The following FHIP1A variants were observed in gnomAD, a reference collection of about 807,000 sequenced individuals.
The protein encoded by FHIP1A is FHF complex subunit HOOK-interacting protein 1A.
Under a neutral mutation model 88.6 loss-of-function variants are expected in FHIP1A, and 61 were observed. That is an observed-to-expected ratio of 0.69 (90% CI 0.56 to 0.85). The LOEUF (loss-of-function observed/expected upper bound fraction) is 0.85, where lower values mean the gene tolerates loss of function less well. FHIP1A is among the 40% of genes least tolerant of loss of function. The pLI, the probability that FHIP1A is intolerant of heterozygous loss-of-function variation, is 0.00. For missense variants in FHIP1A, 1,154 were observed against 1,273.5 expected, an observed-to-expected ratio of 0.91 and a Z score of 1.43; for synonymous variants, 478 against 496.0, an observed-to-expected ratio of 0.96 and a Z score of 0.48.
At chr4:151,637,648 G>A (rs1367847434) in intron 8 of FHIP1A, among the ~76,000 whole-genome samples, 1 of 152,184 alleles carries the variant, frequency 6.6e-6, no homozygotes, top group Admixed American at 6.5e-5. Context: ...GGTTTCTTAA[G>A]GGAGGCGATG....
chr4:151,513,811 G>C (rs994580673), intron 3 of FHIP1A, among the ~76,000 whole-genome samples: 8 of 150,590 alleles, frequency 5.3e-5, no homozygotes, highest in African/African-American at 1.7e-4. Context: ...AGCAAGTCCT[G>C]AGTGACCTAC....
At chr4:151,416,698 A>G (rs966314852) in intron 1 of FHIP1A, among the ~76,000 whole-genome samples, 4 of 152,232 alleles carry the variant, frequency 2.6e-5, no homozygotes, top group Non-Finnish European at 4.4e-5. Flanking sequence ...TTAATAAAAT[A>G]AGAATTTCTT....
Position 151,482,602 on chromosome 4 carries a change from T to C in FHIP1A, c.-169T>C, listed in dbSNP as rs1381546917. The C allele has an allele frequency of 6.6e-6, 1 of 152,122 alleles. No individual in the cohort carries two copies. The allele number at this position is 152,122 out of a possible 1,614,324, so 9.4% of individuals were successfully genotyped here. The stretch of plus-strand genomic sequence containing the variant: ...CTTTCCGCTCCTCTGAAGAGTGAAG[T>C]GAGCAAATACAACCCAGCAGTAGGT... On this transcript the variant is annotated 5_prime_UTR_variant, in exon 3 of 14. Coordinates refer to ENST00000435205, the MANE Select transcript of FHIP1A (RefSeq NM_001109977.3).
intron 3 of FHIP1A, among the ~76,000 whole-genome samples, chr4:151,486,595 G>T (rs964528001): frequency 2.6e-5 from 4 of 152,016 alleles, no homozygotes; most frequent in Non-Finnish European, 1.5e-5. Flanking sequence ...GAAAACTTGG[G>T]GCCAGAAATT....
chr4:151,567,040 T>C (rs777523294), intron 4 of FHIP1A, among the ~76,000 whole-genome samples: 22 of 152,206 alleles, frequency 1.4e-4, no homozygotes, highest in Non-Finnish European at 2.6e-4. Flanking sequence ...TATACCTGAA[T>C]ATATGTCTTC....
At chr4:151,418,403 T>TG (rs1732979868) in intron 1 of FHIP1A, among the ~76,000 whole-genome samples, 1 of 152,192 alleles carries the variant, frequency 6.6e-6, no homozygotes. Flanking sequence ...ACCCTGGAGT[T>TG]GCTATAGATA....
intron 2 of FHIP1A, among the ~76,000 whole-genome samples, chr4:151,474,169 G>A (rs568009726): frequency 6.6e-6 from 1 of 152,322 alleles, no homozygotes; most frequent in African/African-American, 2.4e-5. Flanking sequence ...CTTTCCTCAA[G>A]TGTGTACTGG....
intron 11 of FHIP1A, among the ~76,000 whole-genome samples, chr4:151,653,007 G>T (rs190063792): frequency 2.0e-5 from 3 of 152,112 alleles, no homozygotes. Context: ...GCACTGGAGT[G>T]GGGAGAGGTT....
chr4:151,657,518 G>A (rs1195857518), intron 13 of FHIP1A, among the ~76,000 whole-genome samples: 5 of 152,136 alleles, frequency 3.3e-5, no homozygotes, highest in Non-Finnish European at 7.4e-5. Context: ...TAGTAGGAGC[G>A]CTGAGGATGG....
chr4:151,516,453 G>C (rs1293877809), intron 3 of FHIP1A, among the ~76,000 whole-genome samples: 1 of 152,028 alleles, frequency 6.6e-6, no homozygotes, highest in Non-Finnish European at 1.5e-5. Context: ...TGACAAATGG[G>C]ATCTAATTAA....
chr4:151,604,192 C>T (rs531794047), intron 7 of FHIP1A, among the ~76,000 whole-genome samples: 87 of 151,996 alleles, frequency 5.7e-4, no homozygotes, highest in Non-Finnish European at 5.6e-4. Context: ...CCACAGCCTC[C>T]TGCAGCTGTC....
intron 3 of FHIP1A, among the ~76,000 whole-genome samples, chr4:151,536,302 T>G (rs1391864068): frequency 1.3e-5 from 2 of 152,242 alleles, no homozygotes; most frequent in Non-Finnish European, 2.9e-5. Flanking sequence ...GTTTTACTTG[T>G]GCTCTTTGTG....
In FHIP1A at chr4:151,433,297, A is replaced by T. The variant is rs182220033; in HGVS notation, c.-355-21404A>T. On this transcript the variant is annotated intron_variant, in intron 1 of 13. Coordinates refer to ENST00000435205, the MANE Select transcript of FHIP1A (RefSeq NM_001109977.3). ...GTAGGTAATGGCGTTCTGATCTAGGATGGTGACCCTGGGGCTAGAGAAAAT... is the reference window on the plus strand; with the variant it reads ...GTAGGTAATGGCGTTCTGATCTAGGTTGGTGACCCTGGGGCTAGAGAAAAT... 4.0e-5 allele frequency among the ~76,000 whole-genome samples: 6 copies of T among 151,596 alleles called. No individual in the cohort carries two copies. In the South Asian group the frequency reaches 6.3e-4, roughly 16 times the overall value.
At chr4:151,562,951 G>T (rs1733232439) in intron 3 of FHIP1A, among the ~76,000 whole-genome samples, 1 of 152,044 alleles carries the variant, frequency 6.6e-6, no homozygotes, top group South Asian at 2.1e-4. Flanking sequence ...TTATAATTCT[G>T]TAAGGTGGAA....
chr4:151,462,074 A>ACC (rs935483990), intron 2 of FHIP1A, among the ~76,000 whole-genome samples: 1 of 151,912 alleles, frequency 6.6e-6, no homozygotes, highest in African/African-American at 2.4e-5. Context: ...AGTTGGTAGG[A>ACC]CCCCTTGAGC....
At chr4:151,466,318 G>T (rs993210686) in intron 2 of FHIP1A, among the ~76,000 whole-genome samples, 1 of 151,978 alleles carries the variant, frequency 6.6e-6, no homozygotes. Context: ...ACCACTGCTC[G>T]AGGAAATAAG....
chr4:151,553,597 A>T (rs375662928), intron 3 of FHIP1A, among the ~76,000 whole-genome samples: 1 of 152,322 alleles, frequency 6.6e-6, no homozygotes, highest in African/African-American at 2.4e-5. Context: ...TGATTTGTAT[A>T]GCTAGACTTG....
chr4:151,666,420 C>T lies in FHIP1A; in HGVS notation c.*3666C>T, dbSNP rs551273394. ...TGTCAGGTGTTAGGTAGGACGCATT[C>T]GGTATTTTTATAGGTCATCAGGAGT... On this transcript the variant is annotated 3_prime_UTR_variant, in exon 14 of 14. Coordinates refer to ENST00000435205, the MANE Select transcript of FHIP1A (RefSeq NM_001109977.3). 2.6e-5 allele frequency among the ~76,000 whole-genome samples: 4 copies of T among 152,160 alleles called. No individual in the cohort carries two copies. The highest frequency in any genetic ancestry group is 1.9e-4 in the East Asian group (1 of 5,172).
intron 3 of FHIP1A, among the ~76,000 whole-genome samples, chr4:151,488,997 T>C (rs1730183785): frequency 6.6e-6 from 1 of 152,032 alleles, no homozygotes; most frequent in Non-Finnish European, 1.5e-5. Context: ...GAGACTCACA[T>C]TGTGAAGTTT....
Sources: gnomAD v4.1 joint callset for allele counts (sites outside exome capture counted in the v4.1 genomes callset) on GRCh38, gnomAD v4.1.1 for gene constraint, MANE v1.5 for transcripts, NCBI Gene and HGNC (gene_info 2026-07-23, HGNC 2026-07-21) for gene names.